Variants in TRPV4 observed in about 807,000 individuals in gnomAD.
TRPV4 encodes OSM9-like transient receptor potential channel 4.
TRPV4 carries 58 observed loss-of-function variants against 84.1 expected under a neutral mutation model. The ratio of observed to expected loss-of-function variants is 0.69; its 90% confidence interval spans 0.56 to 0.86. The LOEUF is 0.86. Ranked by LOEUF, TRPV4 falls within the 40% of genes least tolerant of loss-of-function variation. The pLI is 0.00. For synonymous variants in TRPV4, 489 were observed against 500.9 expected, an observed-to-expected ratio of 0.98 and a Z score of 0.32; for missense variants, 879 against 1,181.1, an observed-to-expected ratio of 0.74 and a Z score of 3.75.
rs1010087108 is a variant in TRPV4 at position 109,793,779 on chromosome 12, G to A, written c.1584+151C>T. The stretch of plus-strand genomic sequence containing the variant: ...CAGAGATGGAGAACGTGGGATTGGA[G>A]GAGGTAGAAGAGAAATGGGAAAATA... On this transcript the variant is annotated intron_variant, in intron 9 of 15. Transcript: ENST00000261740. This position sits in a 1 kb window ranked among gnomAD's most constrained non-coding sequence, Gnocchi z 4.0. 5.9e-5 allele frequency: 48 copies of A among 815,032 alleles called. 2 individuals are homozygous for A. Among genetic ancestry groups the A allele is most frequent in the Non-Finnish European group, 8.5e-5 (41 of 480,456 alleles). The allele number at this position is 815,032 out of a possible 1,614,324, so 50.5% of individuals were successfully genotyped here. A position where few individuals can be genotyped will look rare whatever the true frequency, so the allele number is the denominator to read the frequency against.
chr12:109,805,442 C>A (rs558107922), intron 3 of TRPV4, among the ~76,000 whole-genome samples: 8 of 152,306 alleles, frequency 5.3e-5, no homozygotes, highest in Admixed American at 4.6e-4. Context: ...GTGGAACATG[C>A]AGTTCCAGGA....
In TRPV4 at chr12:109,801,854, A is replaced by T. The variant is rs1890807507; in HGVS notation, c.713-1096T>A. On this transcript the variant is annotated intron_variant, in intron 4 of 15. Transcript: ENST00000261740. ...CAAAAAAAAGAAAACTCCTAGAGGAAACAACAGTACCTTGGCCTCCCAGAA... is the reference window on the plus strand; with the variant it reads ...CAAAAAAAAGAAAACTCCTAGAGGATACAACAGTACCTTGGCCTCCCAGAA... Among the ~76,000 whole-genome samples, 3 of 152,150 alleles carry T rather than the reference A, an allele frequency of 2.0e-5. No individual in the cohort carries two copies. In the South Asian group the frequency reaches 6.2e-4, roughly 32 times the overall value.
intron 7 of TRPV4, among the ~76,000 whole-genome samples, chr12:109,795,017 T>G (rs977301268): frequency 6.6e-6 from 1 of 152,020 alleles, no homozygotes; most frequent in African/African-American, 2.4e-5. Flanking sequence ...AGACTCCATC[T>G]CAAAAAAGAA....
chr12:109,830,014 C>A (rs1892369057), intron 1 of TRPV4, among the ~76,000 whole-genome samples: 1 of 152,202 alleles, frequency 6.6e-6, no homozygotes, highest in Non-Finnish European at 1.5e-5. Context: ...CAGAGTTTCA[C>A]CATGTTGCCC....
At position 109,822,932 on chromosome 12, in the gene TRPV4, G is replaced by A. The variant is rs182512458; in HGVS notation, c.-31-8105C>T. ...AGTGTACTATTTATTAGTATCATTAGGGGAACAGATGAACAAAAGGACTGA... is the reference window on the plus strand; with the variant it reads ...AGTGTACTATTTATTAGTATCATTAAGGGAACAGATGAACAAAAGGACTGA... On this transcript the variant is annotated intron_variant, in intron 1 of 15. Coordinates refer to ENST00000261740, the MANE Select transcript of TRPV4 (RefSeq NM_021625.5). Among the ~76,000 whole-genome samples, 65 of 152,356 alleles carry A rather than the reference G, an allele frequency of 4.3e-4. 1 individual carries two copies. The East Asian group carries it at 9.4e-3, about 22-fold the overall frequency.
intron 2 of TRPV4, among the ~76,000 whole-genome samples, chr12:109,811,914 A>G (rs1203414014): frequency 6.6e-6 from 1 of 151,850 alleles, no homozygotes; most frequent in African/African-American, 2.4e-5. Context: ...GGGTCAATTC[A>G]GGGCACATTA....
intron 13 of TRPV4, 31 bp downstream of exon 13, chr12:109,788,369 T>C: frequency 1.3e-6 from 2 of 1,599,200 alleles, no homozygotes; most frequent in Non-Finnish European, 8.5e-7. Context: ...GGGTGGCTGG[T>C]AGAGTGGGGC....
chr12:109,792,315 C>T lies in TRPV4; in HGVS notation c.1891+48G>A, dbSNP rs75939154. 4.2e-3 allele frequency: 6,527 copies of T among 1,553,964 alleles called. 220 individuals carry two copies. The African/African-American group carries it at 0.076, about 18-fold the overall frequency. ...CCCTATACATCATGGCTACTGTTCC[C>T]GTCCTTGCACCACCCCTGCCAGGAC... is the stretch of plus-strand genomic sequence containing the variant. On this transcript the variant is annotated intron_variant, in intron 12 of 15. Coordinates refer to ENST00000261740, the MANE Select transcript of TRPV4 (RefSeq NM_021625.5).
At chr12:109,817,155 A>T (rs1891889031) in intron 1 of TRPV4, among the ~76,000 whole-genome samples, 1 of 152,040 alleles carries the variant, frequency 6.6e-6, no homozygotes. Context: ...TGCCACATGC[A>T]TTTGGGCTTT....
chr12:109,831,176 T>C (rs1342583575), intron 1 of TRPV4, among the ~76,000 whole-genome samples: 1 of 152,220 alleles, frequency 6.6e-6, no homozygotes, highest in Non-Finnish European at 1.5e-5. Flanking sequence ...CTCTGCTCTA[T>C]AAACCCCAGG....
chr12:109,827,785 T>C lies in TRPV4; in HGVS notation c.-32+5565A>G, dbSNP rs200047674. ...ACATACACACATATATACACAAACA[T>C]ACACATAAACATATAGTCATACATA... On this transcript the variant is annotated intron_variant, in intron 1 of 15. Transcript: ENST00000261740. Among the ~76,000 whole-genome samples, 11 of 93,298 alleles carry C rather than the reference T, an allele frequency of 1.2e-4. 1 individual carries two copies. The South Asian group carries it at 1.6e-3, about 13-fold the overall frequency. The allele number at this position is 93,298 out of a possible 152,430, so 61.2% of individuals were successfully genotyped here.
rs2136410941 is a variant in TRPV4 at position 109,783,462 on chromosome 12, G to T, written c.*159C>A. On this transcript the variant is annotated 3_prime_UTR_variant, in exon 16 of 16. Coordinates refer to ENST00000261740, the MANE Select transcript of TRPV4 (RefSeq NM_021625.5). The surrounding 1 kb of genome is among the most constrained non-coding windows in gnomAD (Gnocchi z 4.6). ...CCCCACCCCAGGGTGGGGAGGCAGA[G>T]CCAGGGGACCACAGGGTCCTGGGGC... The T allele has an allele frequency of 9.9e-7, 1 of 1,008,946 alleles. No individual in the cohort carries two copies. Among genetic ancestry groups the T allele is most frequent in the Non-Finnish European group, 1.4e-6 (1 of 713,094 alleles). The allele number at this position is 1,008,946 out of a possible 1,614,324, so 62.5% of individuals were successfully genotyped here. A position where few individuals can be genotyped will look rare whatever the true frequency, so the allele number is the denominator to read the frequency against.
chr12:109,807,104 C>T (rs780813592), intron 3 of TRPV4, among the ~76,000 whole-genome samples: 7 of 151,928 alleles, frequency 4.6e-5, no homozygotes, highest in Non-Finnish European at 7.4e-5. Context: ...TGGAGCGACC[C>T]CGTCTCTACT....
At chr12:109,801,688 G>A (rs1890794408) in intron 4 of TRPV4, among the ~76,000 whole-genome samples, 1 of 152,062 alleles carries the variant, frequency 6.6e-6, no homozygotes, top group Non-Finnish European at 1.5e-5. Flanking sequence ...AAATTAGCCT[G>A]GCATGGTGGT....
intron 1 of TRPV4, among the ~76,000 whole-genome samples, chr12:109,826,823 C>G (rs1386120845): frequency 6.6e-6 from 1 of 152,198 alleles, no homozygotes. Context: ...TAAAAGGGAG[C>G]TCATCACAGT....
At chr12:109,804,069 T>C (rs1265488044) in intron 3 of TRPV4, among the ~76,000 whole-genome samples, 5 of 152,126 alleles carry the variant, frequency 3.3e-5, no homozygotes, top group African/African-American at 9.7e-5. Context: ...GGAGAGAATC[T>C]TGGGGGTTCT....
Position 109,813,361 on chromosome 12 carries a change from G to A in TRPV4, c.386+1050C>T, listed in dbSNP as rs369502851. 5.9e-5 allele frequency among the ~76,000 whole-genome samples: 9 copies of A among 152,176 alleles called. 1 individual carries two copies. The highest frequency in any genetic ancestry group is 1.9e-4 in the East Asian group (1 of 5,180). On this transcript the variant is annotated intron_variant, in intron 2 of 15. Coordinates refer to ENST00000261740, the MANE Select transcript of TRPV4 (RefSeq NM_021625.5). ...CAGGAGGTGGAGGTTTCAGTGAGCC[G>A]AGATCATGCCATTGCACTCCAGCCT...
At chr12:109,795,812 A>C (rs1448382765) in intron 7 of TRPV4, among the ~76,000 whole-genome samples, 1 of 152,104 alleles carries the variant, frequency 6.6e-6, no homozygotes, top group Non-Finnish European at 1.5e-5. Context: ...CAGTGGCATG[A>C]TCTCGGCTCA....
At chr12:109,810,230 T>TAA (rs1230031911) in intron 2 of TRPV4, among the ~76,000 whole-genome samples, 1 of 152,240 alleles carries the variant, frequency 6.6e-6, no homozygotes, top group Non-Finnish European at 1.5e-5. Context: ...CTCTGTCACA[T>TAA]TCTTACCTGG....
Sources: allele counts gnomAD v4.1 joint callset (sites outside exome capture counted in the v4.1 genomes callset), GRCh38; gene constraint gnomAD v4.1.1; non-coding constraint Gnocchi (gnomAD v3.1); transcripts MANE v1.5; gene names NCBI Gene and HGNC (gene_info 2026-07-23, HGNC 2026-07-21).